The following XKR6 variants were observed in gnomAD, a reference collection of about 807,000 sequenced individuals.
XKR6 encodes the protein XK related 6.
Under a neutral mutation model 56.7 loss-of-function variants are expected in XKR6, and 22 were observed. The observed-to-expected ratio is 0.39, with a 90% confidence interval of 0.28 to 0.55. XKR6 has a LOEUF of 0.55. XKR6 is among the 20% of genes least tolerant of loss of function. The probability of loss-of-function intolerance (pLI) is 0.66; values close to 1 mark genes in which losing one functional copy is unlikely to be tolerated. For missense variants in XKR6, 852 were observed against 889.0 expected, an observed-to-expected ratio of 0.96 and a Z score of 0.53; for synonymous variants, 524 against 387.8, an observed-to-expected ratio of 1.35 and a Z score of -4.13.
intron 1 of XKR6, among the ~76,000 whole-genome samples, chr8:11,000,601 C>T (rs749113433): frequency 6.6e-6 from 1 of 152,164 alleles, no homozygotes; most frequent in Non-Finnish European, 1.5e-5. Context: ...GGGAGAATTG[C>T]TTCAACCCAG....
chr8:10,955,429 T>G (rs996824261), intron 1 of XKR6, among the ~76,000 whole-genome samples: 4 of 152,020 alleles, frequency 2.6e-5, no homozygotes, highest in African/African-American at 9.7e-5. Context: ...GATCCCCCCA[T>G]GTAGGCCTCC....
intron 1 of XKR6, among the ~76,000 whole-genome samples, chr8:11,154,679 T>C (rs572391404): frequency 7.2e-5 from 11 of 152,364 alleles, no homozygotes; most frequent in African/African-American, 2.2e-4. Context: ...TATCAGTCAG[T>C]GTATTTTTTA....
chr8:11,200,668 G>T lies in XKR6; in HGVS notation c.672C>A (p.Val224=). 7.0e-6 allele frequency: 11 copies of T among 1,560,700 alleles called. No individual in the cohort carries two copies. The highest frequency in any genetic ancestry group is 8.6e-6 in the Non-Finnish European group (10 of 1,163,992). The change falls in exon 1 of 3, where the codon GTC becomes GTA. Residue 224 remains valine (V), a synonymous_variant. Transcript: ENST00000416569. The surrounding 1 kb of genome is among the most constrained non-coding windows in gnomAD (Gnocchi z 6.4). ...GAARGGPGVR[V]SPTPGAQRLC... ...GGCGCTGCGCCCCCGGCGTGGGGGA[G>T]ACCCTCACGCCTGGGCCACCGCGGG...
intron 1 of XKR6, among the ~76,000 whole-genome samples, chr8:11,058,875 T>G (rs967272978): frequency 6.6e-6 from 1 of 152,228 alleles, no homozygotes; most frequent in Non-Finnish European, 1.5e-5. Context: ...AAGGAATGTA[T>G]AGTCACTGTG....
chr8:11,190,952 C>T (rs1803539831), intron 1 of XKR6, among the ~76,000 whole-genome samples: 1 of 152,102 alleles, frequency 6.6e-6, no homozygotes, highest in Non-Finnish European at 1.5e-5. Flanking sequence ...TTTCTCTACG[C>T]CTCCTCCACT....
intron 1 of XKR6, among the ~76,000 whole-genome samples, chr8:11,166,309 G>GA (rs965456769): frequency 6.6e-5 from 10 of 152,216 alleles, no homozygotes; most frequent in African/African-American, 1.9e-4. Flanking sequence ...CACAGTGGGG[G>GA]AAAAATCCCA....
chr8:10,974,401 G>T (rs1202810037), intron 1 of XKR6, among the ~76,000 whole-genome samples: 1 of 152,214 alleles, frequency 6.6e-6, no homozygotes, highest in Non-Finnish European at 1.5e-5. Flanking sequence ...AACCAGGTGA[G>T]GGCAACAGAG....
chr8:10,912,962 T>C lies in XKR6; in HGVS notation c.961+11672A>G, dbSNP rs549305528. Among the ~76,000 whole-genome samples, 9 of 150,546 alleles carry C rather than the reference T, an allele frequency of 6.0e-5. No homozygotes were observed. The South Asian group carries it at 6.3e-4, about 11-fold the overall frequency. On this transcript the variant is annotated intron_variant, in intron 2 of 2. Coordinates refer to ENST00000416569, the MANE Select transcript of XKR6 (RefSeq NM_173683.4). ...TATATCTATAGAGGGCGAGTACATC[T>C]GTAGAGAGAAGATGAGTGTATATAC... is the stretch of plus-strand genomic sequence containing the variant.
intron 1 of XKR6, among the ~76,000 whole-genome samples, chr8:11,167,088 T>C (rs1357880655): frequency 2.0e-5 from 3 of 152,086 alleles, no homozygotes; most frequent in Non-Finnish European, 4.4e-5. Context: ...CAAGGCTGAC[T>C]GGGAGATGTC....
intron 1 of XKR6, among the ~76,000 whole-genome samples, chr8:11,179,688 T>C (rs1802865320): frequency 6.6e-6 from 1 of 152,138 alleles, no homozygotes. Flanking sequence ...TTGCTCGGTG[T>C]CAACACTGCA....
At chr8:11,170,083 T>C (rs1802291282) in intron 1 of XKR6, among the ~76,000 whole-genome samples, 1 of 151,006 alleles carries the variant, frequency 6.6e-6, no homozygotes, top group Non-Finnish European at 1.5e-5. Context: ...TATTAGATAA[T>C]GTCTTGTACT....
chr8:11,101,746 C>T (rs17152856), intron 1 of XKR6, among the ~76,000 whole-genome samples: 8,207 of 152,228 alleles, frequency 0.054, 734 homozygotes, highest in African/African-American at 0.19. Context: ...GATCTGCATT[C>T]TAAGCACCCT....
intron 1 of XKR6, among the ~76,000 whole-genome samples, chr8:11,148,326 C>T (rs866175586): frequency 1.6e-4 from 25 of 152,166 alleles, no homozygotes; most frequent in Admixed American, 5.9e-4. Flanking sequence ...GAAAGTGACA[C>T]GGGATGTGCA....
intron 1 of XKR6, among the ~76,000 whole-genome samples, chr8:11,183,714 G>C (rs1217576090): frequency 6.6e-6 from 1 of 152,032 alleles, no homozygotes; most frequent in Non-Finnish European, 1.5e-5. Flanking sequence ...TTTTTTATTT[G>C]ATCTTGAAAA....
intron 1 of XKR6, among the ~76,000 whole-genome samples, chr8:11,177,232 T>C (rs765563795): frequency 5.3e-5 from 8 of 152,232 alleles, no homozygotes; most frequent in Non-Finnish European, 1.2e-4. Flanking sequence ...AAAGACTCTT[T>C]CCTGCTCTCC....
intron 1 of XKR6, among the ~76,000 whole-genome samples, chr8:11,093,247 C>G (rs6601559): frequency 0.57 from 86,376 of 151,900 alleles, 28,138 homozygotes; most frequent in African/African-American, 0.88. Context: ...TAGAGACAGG[C>G]TTTCACCATG....
intron 2 of XKR6, 95 bp from the exon 3 acceptor site, chr8:10,899,011 A>AC: frequency 6.7e-7 from 1 of 1,487,702 alleles, no homozygotes; most frequent in South Asian, 1.4e-5. Flanking sequence ...CACATACACC[A>AC]CGATCTAAAG....
intron 1 of XKR6, among the ~76,000 whole-genome samples, chr8:11,056,270 T>C (rs1799683047): frequency 6.6e-6 from 1 of 152,242 alleles, no homozygotes; most frequent in South Asian, 2.1e-4. Context: ...ATTTATGCGT[T>C]TACTGGGAAG....
At chr8:11,032,885 G>A (rs980155662) in intron 1 of XKR6, among the ~76,000 whole-genome samples, 1 of 152,210 alleles carries the variant, frequency 6.6e-6, no homozygotes, top group African/African-American at 2.4e-5. Flanking sequence ...TAGTGGCTTT[G>A]CTGGTGGTGG....
Sources: allele counts gnomAD v4.1 joint callset (sites outside exome capture counted in the v4.1 genomes callset), GRCh38; gene constraint gnomAD v4.1.1; non-coding constraint Gnocchi (gnomAD v3.1); transcripts MANE v1.5; gene names NCBI Gene and HGNC (gene_info 2026-07-23, HGNC 2026-07-21).